Variants in HLCS observed in about 807,000 individuals in gnomAD.
HLCS encodes the protein biotin--protein ligase.
A neutral mutation model predicts 75.0 loss-of-function variants in HLCS; 53 were observed. The observed-to-expected ratio is 0.71, with a 90% CI of 0.57 to 0.89. The LOEUF is 0.89. Among genes scored for constraint, HLCS ranks in the 40% least tolerant of loss-of-function variants. HLCS has a pLI of 0.00. For synonymous variants in HLCS, 431 were observed against 428.6 expected, an observed-to-expected ratio of 1.01 and a Z score of -0.07; for missense variants, 966 against 1,074.0, an observed-to-expected ratio of 0.90 and a Z score of 1.41.
At chr21:36,837,375 A>T (rs191273149) in intron 6 of HLCS, among the ~76,000 whole-genome samples, 15 of 148,916 alleles carry the variant, frequency 1.0e-4, no homozygotes, top group Non-Finnish European at 2.3e-4. Flanking sequence ...GCTAATAGGC[A>T]ACTCGAAATC....
At chr21:36,869,232 C>T (rs188950581) in intron 6 of HLCS, among the ~76,000 whole-genome samples, 1 of 152,262 alleles carries the variant, frequency 6.6e-6, no homozygotes, top group African/African-American at 2.4e-5. Flanking sequence ...TCACGCCATT[C>T]TCCCGCCTCA....
rs937470613 is a variant in HLCS, at chr21:36,897,012, G to C, written c.1740C>G (p.Thr580=). The C allele has an allele frequency of 6.2e-6, 10 of 1,614,010 alleles. No homozygotes were observed. Among genetic ancestry groups the C allele is most frequent in the Non-Finnish European group, 7.6e-6 (9 of 1,180,000 alleles). ...TGGTCACCACAGGTATACAAGATGG[G>C]GTTATTTCTACTTCAGACACGTAGG... ...VSSYVSEVEI[T]PSCIPVVTNM... Residue 580 remains threonine, a synonymous_variant, in exon 6 of 11, where the codon ACC becomes ACG. Transcript: ENST00000674895.
intron 6 of HLCS, among the ~76,000 whole-genome samples, chr21:36,790,540 T>C (rs2060829995): frequency 6.6e-6 from 1 of 152,230 alleles, no homozygotes; most frequent in Admixed American, 6.5e-5. Flanking sequence ...CCTTGGCTCT[T>C]CATTCAGATT....
intron 6 of HLCS, among the ~76,000 whole-genome samples, chr21:36,895,465 C>G (rs1009532485): frequency 1.3e-5 from 2 of 152,068 alleles, no homozygotes; most frequent in Admixed American, 6.6e-5. Flanking sequence ...ATGAAAGTAC[C>G]TATGACATCA....
rs1345003618 is a variant in HLCS, at chr21:36,752,196, C to A, written c.*2050G>T. ...TCTCTCAGGACAACTGAGTCTCCTG[C>A]GTGAGGGAGGAGCGCCTGCTGGAAA... On this transcript the variant is annotated 3_prime_UTR_variant, in exon 11 of 11. Transcript: ENST00000674895. The A allele has an allele frequency of 2.6e-5, 4 of 152,646 alleles. No individual in the cohort carries two copies. Among genetic ancestry groups the A allele is most frequent in the Non-Finnish European group, 5.9e-5 (4 of 68,040 alleles). The allele number at this position is 152,646 out of a possible 1,614,324, so 9.5% of individuals were successfully genotyped here. A position where few individuals can be genotyped will look rare whatever the true frequency, so the allele number is the denominator to read the frequency against.
intron 6 of HLCS, among the ~76,000 whole-genome samples, chr21:36,892,159 A>G (rs1243939461): frequency 2.0e-5 from 3 of 152,204 alleles, no homozygotes; most frequent in Non-Finnish European, 4.4e-5. Flanking sequence ...TGGCCTATAA[A>G]AAGCTGTGAC....
chr21:36,912,456 G>C (rs1348762436), intron 5 of HLCS, among the ~76,000 whole-genome samples: 1 of 152,140 alleles, frequency 6.6e-6, no homozygotes, highest in Non-Finnish European at 1.5e-5. Flanking sequence ...CATAAAAATG[G>C]AAAGTAGAAC....
intron 6 of HLCS, among the ~76,000 whole-genome samples, chr21:36,795,298 C>T (rs746317753): frequency 5.3e-5 from 8 of 152,182 alleles, no homozygotes; most frequent in African/African-American, 7.2e-5. Flanking sequence ...GACACATTGA[C>T]GGTGCTCAGC....
chr21:36,767,338 A>C (rs941624105), intron 6 of HLCS, 53 bp from the exon 7 acceptor site: 1 of 1,540,504 alleles, frequency 6.5e-7, no homozygotes, highest in Non-Finnish European at 9.0e-7. Context: ...CGCCCGCGGC[A>C]CCAATGGCTC....
At chr21:36,931,890 G>T (rs891078183) in intron 4 of HLCS, among the ~76,000 whole-genome samples, 1 of 152,182 alleles carries the variant, frequency 6.6e-6, no homozygotes, top group Admixed American at 6.5e-5. Flanking sequence ...ACTGTCTGTG[G>T]GTCCGTACGC....
chr21:36,915,860 G>C (rs2065906264), intron 5 of HLCS, among the ~76,000 whole-genome samples: 1 of 152,018 alleles, frequency 6.6e-6, no homozygotes, highest in Admixed American at 6.6e-5. Context: ...CGGGCAGAGA[G>C]GGCTGTGCAC....
At chr21:36,868,192 G>GAAGGGAAAAGGGAAGGAAAAAGGA (rs142088563) in intron 6 of HLCS, among the ~76,000 whole-genome samples, 41,046 of 146,058 alleles carry the variant, frequency 0.28, 7,019 homozygotes, top group African/African-American at 0.48. Flanking sequence ...GGGGAAAAAG[G>GAAGGGAAAAGGGAAGGAAAAAGGA]AAGGGAAAAG....
chr21:36,759,744 G>A lies in HLCS; in HGVS notation c.2219C>T (p.Thr740Ile). 1 of 1,597,426 alleles carries A rather than the reference G, an allele frequency of 6.3e-7. No homozygotes were observed. Among genetic ancestry groups the A allele is most frequent in the Non-Finnish European group, 8.6e-7 (1 of 1,164,714 alleles). ...VLVNSTLMGE[T>I]FYILIGCGFN... is the part of the protein sequence containing the mutation. Reference sequence around the variant, plus strand: ...AAACTTACCAATAAGTATATAAAATGTTTCTCCCATGAGTGTTGAGTTAAC... The same window carrying A: ...AAACTTACCAATAAGTATATAAAATATTTCTCCCATGAGTGTTGAGTTAAC... Residue 740 changes from threonine (T) to isoleucine (I), a missense_variant, in exon 9 of 11, where the codon ACA becomes ATA. Thr to Ile is a moderately conservative substitution (Grantham distance 89, BLOSUM62 -1). Coordinates refer to ENST00000674895, the MANE Select transcript of HLCS (RefSeq NM_001352514.2).
chr21:36,811,624 G>A (rs2061513448), intron 6 of HLCS, among the ~76,000 whole-genome samples: 1 of 152,208 alleles, frequency 6.6e-6, no homozygotes, highest in Non-Finnish European at 1.5e-5. Flanking sequence ...GCTTGTTACA[G>A]AACTAAGTAT....
At chr21:36,832,138 G>A (rs2062232608) in intron 6 of HLCS, among the ~76,000 whole-genome samples, 1 of 152,188 alleles carries the variant, frequency 6.6e-6, no homozygotes. Context: ...AGCCGGGTGG[G>A]TTGCGGCTAG....
chr21:36,862,734 G>A (rs895685001), intron 6 of HLCS, among the ~76,000 whole-genome samples: 8 of 152,168 alleles, frequency 5.3e-5, no homozygotes, highest in South Asian at 4.2e-4. Flanking sequence ...GGCCACCATC[G>A]CTGCTCTCGC....
intron 6 of HLCS, among the ~76,000 whole-genome samples, chr21:36,800,302 T>C (rs2145915851): frequency 6.6e-6 from 1 of 152,242 alleles, no homozygotes; most frequent in Non-Finnish European, 1.5e-5. Context: ...AATGCACTCC[T>C]GGCACACAGT....
At position 36,962,124 on chromosome 21, in the gene HLCS, A is replaced by C; in HGVS notation, c.242T>G (p.Phe81Cys). The C allele has an allele frequency of 7.8e-7, 1 of 1,288,976 alleles. No homozygotes were observed. Among genetic ancestry groups the C allele is most frequent in the Non-Finnish European group, 1.0e-6 (1 of 988,182 alleles). 79.8% of individuals were successfully genotyped at this position (1,288,976 alleles called of 1,614,324 possible). ...TGCTATGTGTTCTGCTTCAAGTATA[A>C]AAGGAGACACAAGAAATAGGGCCCA... ...NKWALFLVSP[F>C]ILEAEHIAFV... Residue 81 changes from phenylalanine to cysteine, a missense_variant, in exon 2 of 11, where the codon TTT (phenylalanine) becomes TGT (cysteine). Transcript: ENST00000674895.
chr21:36,850,252 A>T (rs749710838), intron 6 of HLCS, among the ~76,000 whole-genome samples: 1 of 152,184 alleles, frequency 6.6e-6, no homozygotes, highest in Non-Finnish European at 1.5e-5. Flanking sequence ...TTAAATAACT[A>T]TATGTTCTCT....
Sources: gnomAD v4.1 joint callset for allele counts (sites outside exome capture counted in the v4.1 genomes callset) on GRCh38, gnomAD v4.1.1 for gene constraint, MANE v1.5 for transcripts, NCBI Gene and HGNC (gene_info 2026-07-23, HGNC 2026-07-21) for gene names.